The following KCNQ5 variants were observed in gnomAD, a reference collection of about 807,000 sequenced individuals.
The protein encoded by KCNQ5 is potassium voltage-gated channel subfamily Q member 5, also known as potassium voltage-gated channel subfamily KQT member 5.
A neutral mutation model predicts 98.2 loss-of-function variants in KCNQ5; 30 were observed. The ratio of observed to expected loss-of-function variants is 0.31; its 90% CI spans 0.23 to 0.41. The LOEUF (loss-of-function observed/expected upper bound fraction) is 0.41. KCNQ5 is among the 10% of genes least tolerant of loss of function. The probability of loss-of-function intolerance (pLI) is 1.00; values close to 1 mark genes in which losing one functional copy is unlikely to be tolerated. For missense variants in KCNQ5, 835 were observed against 1,182.5 expected, an observed-to-expected ratio of 0.71 and a Z score of 4.31; for synonymous variants, 458 against 449.4, an observed-to-expected ratio of 1.02 and a Z score of -0.24.
At chr6:72,785,380 G>A (rs925446935) in intron 1 of KCNQ5, among the ~76,000 whole-genome samples, 1 of 152,096 alleles carries the variant, frequency 6.6e-6, no homozygotes, top group African/African-American at 2.4e-5. Context: ...CAGGCACAGT[G>A]GCTCATACCT....
chr6:73,025,598 G>A (rs1189695395), intron 2 of KCNQ5, among the ~76,000 whole-genome samples: 1 of 124,736 alleles, frequency 8.0e-6, no homozygotes, highest in African/African-American at 3.0e-5. Flanking sequence ...ACTCCAGCCT[G>A]GGCGACAAGA....
intron 1 of KCNQ5, among the ~76,000 whole-genome samples, chr6:72,838,786 T>A (rs1015920739): frequency 6.6e-6 from 1 of 150,900 alleles, no homozygotes; most frequent in Non-Finnish European, 1.5e-5. Flanking sequence ...CCGTCTCTAC[T>A]AAAAATACAA....
chr6:73,180,046 A>C (rs1338188474), intron 11 of KCNQ5, among the ~76,000 whole-genome samples: 3 of 152,246 alleles, frequency 2.0e-5, no homozygotes, highest in Middle Eastern at 3.2e-3. Flanking sequence ...AGTCCCACTC[A>C]TCAGGCATCA....
intron 1 of KCNQ5, among the ~76,000 whole-genome samples, chr6:72,997,956 T>A (rs1336096716): frequency 6.6e-6 from 1 of 152,204 alleles, no homozygotes; most frequent in African/African-American, 2.4e-5. Context: ...TCATATTTAA[T>A]TTTTATTGCT....
intron 1 of KCNQ5, among the ~76,000 whole-genome samples, chr6:72,766,634 C>A (rs998363478): frequency 6.6e-6 from 1 of 151,904 alleles, no homozygotes; most frequent in African/African-American, 2.4e-5. Context: ...TTTGCTAACA[C>A]TTTCTATGTT....
chr6:72,709,761 G>A (rs758552791), intron 1 of KCNQ5, among the ~76,000 whole-genome samples: 8 of 151,998 alleles, frequency 5.3e-5, no homozygotes, highest in Non-Finnish European at 1.2e-4. Context: ...ACCCTCTGGT[G>A]GAGAAAACAG....
At chr6:72,917,388 C>T (rs11962902) in intron 1 of KCNQ5, among the ~76,000 whole-genome samples, 6,381 of 152,174 alleles carry the variant, frequency 0.042, 381 homozygotes, top group African/African-American at 0.13. Context: ...CAAAAACCTA[C>T]AGAGAACTTA....
Position 72,868,797 on chromosome 6 carries a change from A to G in KCNQ5, c.399-135111A>G, listed in dbSNP as rs927708450. 3.3e-5 allele frequency among the ~76,000 whole-genome samples: 5 copies of G among 152,178 alleles called. No individual in the cohort carries two copies. The South Asian group carries it at 1.0e-3, about 31-fold the overall frequency. ...ATCTGCGGAAGGTGAGGCAGCCCCC[A>G]CTTCCTAAGGAAGGTAATGAAAATA... On this transcript the variant is annotated intron_variant, in intron 1 of 13. Coordinates refer to ENST00000370398, the MANE Select transcript of KCNQ5 (RefSeq NM_019842.4).
chr6:72,822,117 G>T (rs1453992389), intron 1 of KCNQ5, among the ~76,000 whole-genome samples: 2 of 152,062 alleles, frequency 1.3e-5, no homozygotes. Context: ...AATATCTCTG[G>T]CATATAACAG....
At chr6:72,701,237 A>G (rs1768789154) in intron 1 of KCNQ5, among the ~76,000 whole-genome samples, 1 of 152,214 alleles carries the variant, frequency 6.6e-6, no homozygotes, top group African/African-American at 2.4e-5. Flanking sequence ...ATTTAACAAA[A>G]CAATCAGCCA....
At chr6:73,022,283 AG>A in intron 2 of KCNQ5, among the ~76,000 whole-genome samples, 1 of 152,156 alleles carries the variant, frequency 6.6e-6, no homozygotes, top group Non-Finnish European at 1.5e-5. Flanking sequence ...ATCCCTCCTC[AG>A]ACCTCACATG....
chr6:72,955,279 T>C (rs1582082960), intron 1 of KCNQ5, among the ~76,000 whole-genome samples: 2 of 152,202 alleles, frequency 1.3e-5, no homozygotes, highest in Non-Finnish European at 2.9e-5. Flanking sequence ...TTAAATTGGA[T>C]ACATAAACAT....
At chr6:73,114,298 A>G (rs535741980) in intron 7 of KCNQ5, among the ~76,000 whole-genome samples, 1 of 152,310 alleles carries the variant, frequency 6.6e-6, no homozygotes, top group East Asian at 1.9e-4. Context: ...CAAACCATCA[A>G]GCCCAAAAGC....
chr6:72,979,708 T>G (rs1451164848), intron 1 of KCNQ5, among the ~76,000 whole-genome samples: 2 of 152,238 alleles, frequency 1.3e-5, no homozygotes, highest in Non-Finnish European at 2.9e-5. Context: ...TTTTGGCTTC[T>G]GTTGCCATTG....
intron 3 of KCNQ5, chr6:73,043,171 G>A (rs747431163): frequency 2.2e-6 from 1 of 447,458 alleles, no homozygotes; most frequent in Admixed American, 2.4e-5. Context: ...ACCATCCATG[G>A]GCACTGTTAA....
intron 1 of KCNQ5, among the ~76,000 whole-genome samples, chr6:72,799,563 G>T (rs928170249): frequency 2.0e-5 from 3 of 152,252 alleles, no homozygotes; most frequent in Admixed American, 2.0e-4. Context: ...TGTGGACTTA[G>T]GTTGTATACC....
chr6:73,070,535 G>T (rs1237168799), intron 3 of KCNQ5, among the ~76,000 whole-genome samples: 2 of 152,184 alleles, frequency 1.3e-5, no homozygotes, highest in Admixed American at 1.3e-4. Flanking sequence ...CAATGAAGGT[G>T]TTCTTTGTTT....
intron 10 of KCNQ5, among the ~76,000 whole-genome samples, chr6:73,163,307 A>C (rs1777681050): frequency 6.6e-6 from 1 of 152,184 alleles, no homozygotes; most frequent in Admixed American, 6.5e-5. Flanking sequence ...CTAAGGAGGA[A>C]GGATAACTTG....
intron 1 of KCNQ5, among the ~76,000 whole-genome samples, chr6:72,779,821 CTGTGTGTGTGTGTGTGTGTGTGTGTGTG>C (rs35526812): frequency 4.8e-5 from 6 of 124,834 alleles, no homozygotes; most frequent in South Asian, 2.9e-4. Context: ...ATTTAATTTT[CTGTGTGTGTGTGTGTGTGTGTGTGTGTG>C]TGTGTGTGTG....
Sources: allele counts gnomAD v4.1 joint callset (sites outside exome capture counted in the v4.1 genomes callset), GRCh38; gene constraint gnomAD v4.1.1; transcripts MANE v1.5; gene names NCBI Gene and HGNC (gene_info 2026-07-23, HGNC 2026-07-21).